The following UTP6 variants were observed in gnomAD, a reference collection of about 807,000 sequenced individuals.
The protein encoded by UTP6 is UTP6 small subunit processome component.
A neutral mutation model predicts 96.5 loss-of-function variants in UTP6; 60 were observed. The observed-to-expected ratio is 0.62, with a 90% confidence interval of 0.51 to 0.77. UTP6 has a LOEUF of 0.77. UTP6 is among the 30% of genes least tolerant of loss of function. The pLI is 0.00. For synonymous variants in UTP6, 215 were observed against 240.1 expected (o/e 0.90, Z 0.96); for missense variants, 637 against 706.5 (o/e 0.90, Z 1.12).
intron 6 of UTP6, 92 bp from the exon 7 acceptor site, chr17:31,889,495 ATTT>A (rs375193627): frequency 0.013 from 6,891 of 528,836 alleles, no homozygotes; most frequent in East Asian, 0.019. Context: ...TACTCGCACA[ATTT>A]TTTTTTTTTT....
At chr17:31,889,057 G>A (rs968659770) in intron 7 of UTP6, among the ~76,000 whole-genome samples, 13 of 149,880 alleles carry the variant, frequency 8.7e-5, no homozygotes, top group African/African-American at 3.2e-4. Flanking sequence ...GGGCAACAGA[G>A]CAAGACTGTC....
At chr17:31,885,365 A>G (rs12452402) in intron 9 of UTP6, among the ~76,000 whole-genome samples, 151,569 of 151,580 alleles carry the variant, frequency 1, 75,779 homozygotes, top group Middle Eastern at 1. Context: ...GGCTGGTCGC[A>G]AACTCCTGAC....
chr17:31,864,654 A>C (rs1370376469), intron 18 of UTP6, among the ~76,000 whole-genome samples: 1 of 152,164 alleles, frequency 6.6e-6, no homozygotes. Context: ...ACAGGATCTC[A>C]TTGTATTGCC....
Position 31,884,346 on chromosome 17 carries a change from C to G in UTP6, c.785+78G>C, listed in dbSNP as rs116468664. 4.2e-4 allele frequency: 493 copies of G among 1,181,460 alleles called. No individual in the cohort carries two copies. The African/African-American group carries it at 6.3e-3, about 15-fold the overall frequency. 73.2% of individuals were successfully genotyped at this position (1,181,460 alleles called of 1,614,324 possible). A position where few individuals can be genotyped will look rare whatever the true frequency, so the allele number is the denominator to read the frequency against. The stretch of plus-strand genomic sequence containing the variant: ...TTTAGTGTGGTATCTTCTTTCTCTT[C>G]TACTAAATATCCAACCTCAAACCCT... On this transcript the variant is annotated intron_variant, in intron 10 of 18. Transcript: ENST00000261708.
Position 31,863,506 on chromosome 17 carries a change from C to T in UTP6, c.1647G>A (p.Met549Ile). 6.2e-7 allele frequency: 1 copy of T among 1,604,794 alleles called. No homozygotes were observed. Among genetic ancestry groups the T allele is most frequent in the Non-Finnish European group, 8.5e-7 (1 of 1,177,128 alleles). The change falls in exon 19 of 19, where the codon ATG becomes ATA. Residue 549 changes from methionine (M) to isoleucine (I), a missense_variant. Transcript: ENST00000261708. Reference sequence around the variant, plus strand: ...GGTTCAATTCTTCTTTCATATAATCCATCCAAAGATCTTTTAAAAAAAAAA... The same window carrying T: ...GGTTCAATTCTTCTTTCATATAATCTATCCAAAGATCTTTTAAAAAAAAAA... ...EFGSADSDLWMDYMKEELNHP... is the reference protein window; with the variant it reads ...EFGSADSDLWIDYMKEELNHP...
intron 16 of UTP6, among the ~76,000 whole-genome samples, chr17:31,871,753 T>C (rs1437750899): frequency 6.6e-6 from 1 of 151,256 alleles, no homozygotes; most frequent in East Asian, 2.0e-4. Flanking sequence ...ATTACCTGGG[T>C]GTGGTGGCAC....
At chr17:31,891,343 A>ACAGT (rs1280858812) in intron 6 of UTP6, among the ~76,000 whole-genome samples, 1 of 152,196 alleles carries the variant, frequency 6.6e-6, no homozygotes. Context: ...TCATACCTGA[A>ACAGT]CAGTCACCTT....
chr17:31,898,360 C>T (rs1449164551), intron 2 of UTP6, among the ~76,000 whole-genome samples: 8 of 151,772 alleles, frequency 5.3e-5, no homozygotes, highest in African/African-American at 9.7e-5. Flanking sequence ...GATGGTGAAA[C>T]GCTGTCTCTA....
chr17:31,886,894 C>T (rs1244333584), intron 8 of UTP6, among the ~76,000 whole-genome samples: 1 of 152,286 alleles, frequency 6.6e-6, no homozygotes, highest in African/African-American at 2.4e-5. Context: ...TTTGGCTATT[C>T]TGTAAGTAAC....
chr17:31,889,403 G>T lies in UTP6; in HGVS notation c.425C>A (p.Ala142Asp), dbSNP rs749511728. The change falls in exon 7 of 19, where the codon GCT (alanine) becomes GAT (aspartate). Residue 142 changes from alanine to aspartate, a missense_variant and splice_region_variant. Physicochemically the swap from Ala to Asp is moderately radical, Grantham distance 126. Transcript: ENST00000261708. ...CCATTTGGCTGCCATAATCCACAAAGCTGTAAGTGAAAAACCATCAGATTT... is the reference window on the plus strand; with the variant it reads ...CCATTTGGCTGCCATAATCCACAAATCTGTAAGTGAAAAACCATCAGATTT... ...AMLAIHSNKP[A>D]LWIMAAKWEM... 6.2e-7 allele frequency: 1 copy of T among 1,607,510 alleles called. No homozygotes were observed. Among genetic ancestry groups the T allele is most frequent in the Non-Finnish European group, 8.5e-7 (1 of 1,175,860 alleles).
At chr17:31,888,650 G>A (rs9906455) in intron 7 of UTP6, among the ~76,000 whole-genome samples, 116,581 of 152,072 alleles carry the variant, frequency 0.77, 45,030 homozygotes, top group East Asian at 0.84. Flanking sequence ...AGCCAAGACC[G>A]GGCCACTACA....
chr17:31,878,999 T>G (rs1910663782), intron 11 of UTP6, among the ~76,000 whole-genome samples: 1 of 152,122 alleles, frequency 6.6e-6, no homozygotes, highest in South Asian at 2.1e-4. Context: ...AACAACTGAG[T>G]AACAGCTTAA....
chr17:31,873,824 T>C (rs1362332980), intron 14 of UTP6, 71 bp from the exon 15 acceptor site: 11 of 1,480,458 alleles, frequency 7.4e-6, no homozygotes, highest in East Asian at 2.3e-5. Flanking sequence ...CCTATAAATA[T>C]GTAAAATATT....
chr17:31,883,833 C>T (rs377053636), intron 10 of UTP6, among the ~76,000 whole-genome samples: 1 of 151,174 alleles, frequency 6.6e-6, no homozygotes, highest in African/African-American at 2.4e-5. Flanking sequence ...TGCACCACCA[C>T]ACCTAGCTTA....
Position 31,880,717 on chromosome 17 carries a change from C to T in UTP6, c.823G>A (p.Asp275Asn). The change falls in exon 11 of 19, where the codon GAT (aspartate) becomes AAT (asparagine). Residue 275 changes from aspartate (D) to asparagine (N), a missense_variant. Asp to Asn is a conservative substitution (Grantham distance 23). Transcript: ENST00000261708. ...ALHTDDPLTW[D>N]YVARRELEIE... ...TCTAATTCTCGCCTTGCCACATAAT[C>T]CCAAGTGAGAGGATCATCTGTGTGT... 1 of 1,614,122 alleles carries T rather than the reference C, an allele frequency of 6.2e-7. No individual in the cohort carries two copies. Among genetic ancestry groups the T allele is most frequent in the Non-Finnish European group, 8.5e-7 (1 of 1,180,020 alleles).
rs953916700 is a variant in UTP6 at position 31,864,581 on chromosome 17, A to T, written c.1636+785T>A. The stretch of plus-strand genomic sequence containing the variant: ...TAACTCTAAATACATTTTTTTTAAG[A>T]AAACAAAACCATGCAAATCTTTCTC... On this transcript the variant is annotated intron_variant, in intron 18 of 18. Coordinates refer to ENST00000261708, the MANE Select transcript of UTP6 (RefSeq NM_018428.3). Among the ~76,000 whole-genome samples the T allele has an allele frequency of 2.2e-4, 34 of 152,140 alleles. 1 individual carries two copies. Among genetic ancestry groups the T allele is most frequent in the Non-Finnish European group, 4.4e-5 (3 of 68,032 alleles).
rs573091552 is a variant in UTP6 at position 31,865,010 on chromosome 17, T to TTTTG, written c.1636+352_1636+355dup. 3.9e-3 allele frequency among the ~76,000 whole-genome samples: 598 copies of TTTTG among 151,716 alleles called. 5 individuals carry two copies. Among genetic ancestry groups the TTTTG allele is most frequent in the African/African-American group, 0.013 (544 of 41,364 alleles). ...TGCAAATCAAAAAACTAAGAAACAG[T>TTTTG]TTTGTTTGTTTGTTTGTTTGTTTTT... On this transcript the variant is annotated intron_variant, in intron 18 of 18. Transcript: ENST00000261708.
chr17:31,862,280 G>A lies in UTP6; in HGVS notation c.*1079C>T, dbSNP rs563935725. On this transcript the variant is annotated 3_prime_UTR_variant, in exon 19 of 19. Transcript: ENST00000261708. ...ACTGCACTCCAGCCTGGATGACAGA[G>A]CAAGGCTCCATCTCAAAAAAAAAAA... 2 of 150,578 alleles carry A rather than the reference G, an allele frequency of 1.3e-5. No homozygotes were observed. Among genetic ancestry groups the A allele is most frequent in the Admixed American group, 6.6e-5 (1 of 15,184 alleles). The allele number at this position is 150,578 out of a possible 1,614,324, so 9.3% of individuals were successfully genotyped here. A position where few individuals can be genotyped will look rare whatever the true frequency, so the allele number is the denominator to read the frequency against.
At chr17:31,876,094 C>T (rs1026065405) in intron 13 of UTP6, among the ~76,000 whole-genome samples, 3 of 151,526 alleles carry the variant, frequency 2.0e-5, no homozygotes, top group Admixed American at 6.6e-5. Context: ...AGTACAGTGG[C>T]GCAATGATCT....
Sources: gnomAD v4.1 joint callset for allele counts (sites outside exome capture counted in the v4.1 genomes callset) on GRCh38, gnomAD v4.1.1 for gene constraint, MANE v1.5 for transcripts, NCBI Gene and HGNC (gene_info 2026-07-23, HGNC 2026-07-21) for gene names.